CDH13: variants seen among roughly 807,000 people sequenced by gnomAD.
The protein encoded by CDH13 is cadherin 13.
In CDH13, 24 loss-of-function variants were observed where a neutral mutation model predicts 63.8. The observed-to-expected ratio is 0.38, with a 90% CI of 0.27 to 0.53. CDH13 has a LOEUF of 0.53. Ranked by LOEUF, CDH13 falls within the 20% of genes least tolerant of loss-of-function variation. CDH13 has a pLI of 0.85. For missense variants in CDH13, 1,049 were observed against 903.1 expected (o/e 1.16, Z -2.07); for synonymous variants, 503 against 355.3 (o/e 1.42, Z -4.67).
chr16:83,277,974 G>T (rs1320249140), intron 5 of CDH13, among the ~76,000 whole-genome samples: 1 of 152,120 alleles, frequency 6.6e-6, no homozygotes, highest in African/African-American at 2.4e-5. Context: ...ATATCAAGTA[G>T]TTGATCCCAT....
At chr16:82,882,472 T>C (rs2040739455) in intron 2 of CDH13, among the ~76,000 whole-genome samples, 1 of 152,184 alleles carries the variant, frequency 6.6e-6, no homozygotes, top group Non-Finnish European at 1.5e-5. Context: ...ACCTGGCCGC[T>C]GGCAGGCAAG....
In CDH13 at chr16:83,798,949, G is replaced by C. The variant is rs1904298218; in HGVS notation, c.*3919G>C. The C allele has an allele frequency of 6.6e-6, 1 of 151,930 alleles. No individual in the cohort carries two copies. The highest frequency in any genetic ancestry group is 1.5e-5 in the Non-Finnish European group (1 of 68,000). 9.4% of individuals were successfully genotyped at this position (151,930 alleles called of 1,614,324 possible). ...CCTGTGCAAGATAACGTAATTATTT[G>C]CCCCTTCCCTTCCATGGCTTGTTAG... is the stretch of plus-strand genomic sequence containing the variant. On this transcript the variant is annotated 3_prime_UTR_variant, in exon 14 of 14. Coordinates refer to ENST00000567109, the MANE Select transcript of CDH13 (RefSeq NM_001257.5).
intron 8 of CDH13, among the ~76,000 whole-genome samples, chr16:83,647,312 CAAAAAAAAAAAA>C (rs772041222): frequency 1.2e-5 from 1 of 86,420 alleles, no homozygotes; most frequent in East Asian, 4.3e-4. Flanking sequence ...GACTCTGTCT[CAAAAAAAAAAAA>C]AAAAAAAATT....
chr16:83,763,551 C>G (rs147516891), intron 11 of CDH13, among the ~76,000 whole-genome samples: 2 of 152,028 alleles, frequency 1.3e-5, no homozygotes, highest in Non-Finnish European at 2.9e-5. Flanking sequence ...CTTTTCATAG[C>G]TCAACCAAGC....
chr16:83,344,417 G>C (rs1435496881), intron 5 of CDH13, among the ~76,000 whole-genome samples: 1 of 152,102 alleles, frequency 6.6e-6, no homozygotes, highest in Non-Finnish European at 1.5e-5. Context: ...ATACTGACCT[G>C]ACTTTCTCCT....
intron 1 of CDH13, among the ~76,000 whole-genome samples, chr16:82,749,332 A>G (rs1198265658): frequency 2.0e-5 from 3 of 152,182 alleles, no homozygotes; most frequent in South Asian, 4.1e-4. Context: ...ATTACATTCA[A>G]TGAGGCTTCA....
intron 1 of CDH13, among the ~76,000 whole-genome samples, chr16:82,658,667 A>G (rs1363702951): frequency 2.6e-5 from 4 of 152,168 alleles, no homozygotes; most frequent in Admixed American, 6.5e-5. Context: ...CGTGGGTTAA[A>G]TTATACCTAA....
At chr16:82,637,483 G>T (rs1167302171) in intron 1 of CDH13, 4 of 125,342 alleles carry the variant, frequency 3.2e-5, no homozygotes, top group Admixed American at 2.0e-4. Flanking sequence ...CAGGCTGGAG[G>T]GCAGTGGCGC....
At chr16:82,959,980 A>G (rs1462040061) in intron 2 of CDH13, among the ~76,000 whole-genome samples, 1 of 152,244 alleles carries the variant, frequency 6.6e-6, no homozygotes, top group African/African-American at 2.4e-5. Context: ...TTTTAAAAAA[A>G]CATTGCTAAA....
At chr16:83,655,975 T>G (rs965443790) in intron 8 of CDH13, among the ~76,000 whole-genome samples, 1 of 151,980 alleles carries the variant, frequency 6.6e-6, no homozygotes, top group African/African-American at 2.4e-5. Flanking sequence ...CACAGAGAAA[T>G]AGGCCTATTC....
chr16:83,632,922 T>A (rs1910911548), intron 8 of CDH13, among the ~76,000 whole-genome samples: 1 of 151,490 alleles, frequency 6.6e-6, no homozygotes. Context: ...TGAGAGTTTC[T>A]CCCCCTTTTA....
intron 7 of CDH13, among the ~76,000 whole-genome samples, chr16:83,574,862 C>G (rs1272657016): frequency 6.6e-6 from 1 of 151,992 alleles, no homozygotes; most frequent in Non-Finnish European, 1.5e-5. Context: ...AAACTCCAAC[C>G]CATGAAAAGT....
chr16:83,085,049 C>A (rs761625546), intron 3 of CDH13, among the ~76,000 whole-genome samples: 1 of 152,092 alleles, frequency 6.6e-6, no homozygotes, highest in Non-Finnish European at 1.5e-5. Context: ...TGGCTTTAAT[C>A]TTCATAGTTT....
At chr16:83,393,369 T>C (rs2091824824) in intron 6 of CDH13, among the ~76,000 whole-genome samples, 1 of 152,142 alleles carries the variant, frequency 6.6e-6, no homozygotes, top group Non-Finnish European at 1.5e-5. Flanking sequence ...TACATGCTTG[T>C]TTATGATGAT....
chr16:83,100,325 T>C (rs957547980), intron 3 of CDH13, among the ~76,000 whole-genome samples: 1 of 151,838 alleles, frequency 6.6e-6, no homozygotes, highest in Non-Finnish European at 1.5e-5. Context: ...AGAAGGGAAA[T>C]AGGAAGTGTT....
intron 13 of CDH13, 88 bp from the exon 14 acceptor site, chr16:83,794,935 C>A: frequency 8.1e-7 from 1 of 1,227,290 alleles, no homozygotes; most frequent in Non-Finnish European, 1.2e-6. Context: ...TTTATTATAC[C>A]TTGCCTGTCA....
chr16:83,197,473 C>T (rs975244710), intron 4 of CDH13, among the ~76,000 whole-genome samples: 3 of 152,236 alleles, frequency 2.0e-5, no homozygotes, highest in Middle Eastern at 3.4e-3. Context: ...CCGTTATGCT[C>T]TCAAATACTG....
intron 11 of CDH13, among the ~76,000 whole-genome samples, chr16:83,768,525 G>A (rs572371813): frequency 8.5e-5 from 13 of 152,318 alleles, no homozygotes; most frequent in African/African-American, 3.1e-4. Flanking sequence ...TGGATCTCAT[G>A]CAAGAAAGAA....
intron 2 of CDH13, among the ~76,000 whole-genome samples, chr16:82,986,913 G>T (rs1911014679): frequency 6.6e-6 from 1 of 152,186 alleles, no homozygotes; most frequent in Non-Finnish European, 1.5e-5. Context: ...GACTCACCTG[G>T]TTTGGGTGAG....
Sources: allele counts gnomAD v4.1 joint callset (sites outside exome capture counted in the v4.1 genomes callset), GRCh38; gene constraint gnomAD v4.1.1; transcripts MANE v1.5; gene names NCBI Gene and HGNC (gene_info 2026-07-23, HGNC 2026-07-21).